SYNPO: variants seen among roughly 807,000 people sequenced by gnomAD.
SYNPO encodes synaptopodin.
Under a neutral mutation model 49.5 loss-of-function variants are expected in SYNPO, and 19 were observed. That is an observed-to-expected ratio of 0.38 (90% confidence interval 0.27 to 0.56). The LOEUF (loss-of-function observed/expected upper bound fraction) is 0.56. SYNPO is among the 20% of genes least tolerant of loss of function. SYNPO has a pLI of 0.68. For synonymous variants in SYNPO, 536 were observed against 548.0 expected (o/e 0.98, Z 0.31); for missense variants, 1,131 against 1,248.3 (o/e 0.91, Z 1.42).
intron 2 of SYNPO, among the ~76,000 whole-genome samples, chr5:150,633,879 T>C (rs2151390756): frequency 6.6e-6 from 1 of 152,212 alleles, no homozygotes. Context: ...CTCAGCACTT[T>C]AGGAGGCCAA....
chr5:150,602,877 T>G (rs1274310832), intron 1 of SYNPO, among the ~76,000 whole-genome samples: 1 of 152,122 alleles, frequency 6.6e-6, no homozygotes, highest in Admixed American at 6.5e-5. Flanking sequence ...GAGCGTTGGT[T>G]TTGACTGTCT....
At chr5:150,604,385 G>T (rs987478890) in intron 1 of SYNPO, among the ~76,000 whole-genome samples, 1 of 152,256 alleles carries the variant, frequency 6.6e-6, no homozygotes, top group Non-Finnish European at 1.5e-5. Flanking sequence ...ATGGGGTGCA[G>T]ATGGAGGCTG....
chr5:150,655,029 G>A (rs1758509571), intron 2 of SYNPO, among the ~76,000 whole-genome samples: 1 of 152,192 alleles, frequency 6.6e-6, no homozygotes, highest in Non-Finnish European at 1.5e-5. Flanking sequence ...GGAGGCTGAG[G>A]CAGGAGAATC....
chr5:150,618,479 G>A (rs763095621), exon 2 of SYNPO: 94 of 1,551,480 alleles, frequency 6.1e-5, no homozygotes, highest in Non-Finnish European at 7.1e-5. Flanking sequence ...TCTGGAAGCC[G>A]AGGAGAGCAG....
intron 2 of SYNPO, chr5:150,651,070 C>T: frequency 8.7e-7 from 1 of 1,155,882 alleles, no homozygotes; most frequent in Non-Finnish European, 1.1e-6. Context: ...TTCTACCTGG[C>T]TTGCTGTCAC....
rs1758238213 is a variant in SYNPO at position 150,649,102 on chromosome 5, G to T, written c.827G>T (p.Ser276Ile). Reference protein sequence around the residue: ...GEKAPAPQPPSLPDRSPRPQR... With the variant: ...GEKAPAPQPPILPDRSPRPQR... The stretch of plus-strand genomic sequence containing the variant: ...AAGGCCCCGGCTCCCCAGCCCCCCA[G>T]TTTGCCAGACAGGAGCCCCCGGCCA... The change falls in exon 2 of 3, where the codon AGT (serine) becomes ATT (isoleucine). Residue 276 changes from serine to isoleucine, a missense_variant. By Grantham distance (142) the Ser-to-Ile change is moderately radical. Around this residue, in one of 4 missense-constraint regions of SYNPO, gnomAD observed 602 missense variants for 720.7 expected, o/e 0.84. Transcript: ENST00000307662. 1 of 1,613,820 alleles carries T rather than the reference G, an allele frequency of 6.2e-7. No individual in the cohort carries two copies. Among genetic ancestry groups the T allele is most frequent in the Non-Finnish European group, 8.5e-7 (1 of 1,179,872 alleles).
intron 2 of SYNPO, chr5:150,624,800 C>T (rs1757295892): frequency 1.0e-6 from 1 of 955,454 alleles, no homozygotes; most frequent in Non-Finnish European, 1.2e-6. Flanking sequence ...GGGCCTGGCG[C>T]GGGGCGGGGG....
intron 2 of SYNPO, among the ~76,000 whole-genome samples, chr5:150,635,095 CA>C (rs1757670960): frequency 6.6e-6 from 1 of 152,262 alleles, no homozygotes; most frequent in Non-Finnish European, 1.5e-5. Flanking sequence ...GAAGACGGGG[CA>C]GGCTGGCAGG....
In SYNPO at chr5:150,649,522, TGGA is replaced by T. The variant is rs761648282; in HGVS notation, c.1255_1257del (p.Glu419del). Reference sequence around the variant, plus strand: ...CAGAGGGACCAGGGGGAGGTAGGCGTGGAGGAGGAGCCCTTCGCACTGGGGGCC... The same window carrying T: ...CAGAGGGACCAGGGGGAGGTAGGCGTGGAGGAGCCCTTCGCACTGGGGGCC... On this transcript the variant is annotated inframe_deletion, in exon 2 of 3. Transcript: ENST00000307662. 6.2e-7 allele frequency: 1 copy of T among 1,611,540 alleles called. No homozygotes were observed. Among genetic ancestry groups the T allele is most frequent in the Admixed American group, 1.7e-5 (1 of 59,610 alleles).
chr5:150,652,983 G>A (rs527298439), intron 2 of SYNPO: 75 of 152,262 alleles, frequency 4.9e-4, no homozygotes, highest in African/African-American at 1.7e-3. Context: ...ACAGAAGGAG[G>A]TCAGAGACCA....
intron 2 of SYNPO, among the ~76,000 whole-genome samples, chr5:150,633,569 T>C (rs1581486744): frequency 6.6e-6 from 1 of 151,888 alleles, no homozygotes; most frequent in African/African-American, 2.4e-5. Context: ...GGGCTGGGAG[T>C]CAAAATCACA....
chr5:150,616,246 G>C (rs1020913655), intron 1 of SYNPO, among the ~76,000 whole-genome samples: 2 of 152,150 alleles, frequency 1.3e-5, no homozygotes, highest in Non-Finnish European at 2.9e-5. Flanking sequence ...CCCCTGCTTG[G>C]GGGCGGAGGC....
the SYNPO span, among the ~76,000 whole-genome samples, chr5:150,593,345 G>A: frequency 2.0e-5 from 3 of 152,318 alleles, no homozygotes; most frequent in Non-Finnish European, 2.9e-5. Context: ...GCAGAGCCCC[G>A]GAGACCTGGG....
chr5:150,657,432 T>TCTCTCTCACA lies in SYNPO; in HGVS notation c.*346_*347insTCTCTCACAC, dbSNP rs1298503590. 5 of 138,998 alleles carry TCTCTCTCACA rather than the reference T, an allele frequency of 3.6e-5. No individual in the cohort carries two copies. Among genetic ancestry groups the TCTCTCTCACA allele is most frequent in the African/African-American group, 1.4e-4 (5 of 35,078 alleles). 8.6% of individuals were successfully genotyped at this position (138,998 alleles called of 1,614,324 possible). On this transcript the variant is annotated 3_prime_UTR_variant, in exon 3 of 3. Transcript: ENST00000307662. The stretch of plus-strand genomic sequence containing the variant: ...CTCTCTCTTTCTCTCTCTCTCTCTC[T>TCTCTCTCACA]CACACACACACACACACACACACAC...
chr5:150,596,478 G>A (rs1386972127), upstream of SYNPO, among the ~76,000 whole-genome samples: 2 of 152,310 alleles, frequency 1.3e-5, no homozygotes, highest in East Asian at 1.9e-4. Flanking sequence ...TACTTGGCGA[G>A]TTGACGGACG....
chr5:150,637,015 T>C (rs13360583), upstream of SYNPO, among the ~76,000 whole-genome samples: 3,297 of 152,306 alleles, frequency 0.022, 122 homozygotes, highest in African/African-American at 0.075. Context: ...TTGCTGCATT[T>C]CATTTACTCA....
chr5:150,623,468 G>T (rs990973293), intron 2 of SYNPO, among the ~76,000 whole-genome samples: 1 of 152,148 alleles, frequency 6.6e-6, no homozygotes, highest in Admixed American at 6.5e-5. Context: ...GGCACTCTCA[G>T]GGTTAGCGAT....
chr5:150,622,336 G>A (rs1294334297), intron 2 of SYNPO, among the ~76,000 whole-genome samples: 1 of 152,200 alleles, frequency 6.6e-6, no homozygotes, highest in African/African-American at 2.4e-5. Flanking sequence ...CTGTCTCCAT[G>A]GTGATGAGGC....
rs201373113 is a variant in SYNPO, at chr5:150,657,432, T to A, written c.*345T>A. 2,292 of 139,582 alleles carry A rather than the reference T, an allele frequency of 0.016. 26 individuals are homozygous for A. Among genetic ancestry groups the A allele is most frequent in the East Asian group, 0.028 (122 of 4,374 alleles). 8.6% of individuals were successfully genotyped at this position (139,582 alleles called of 1,614,324 possible). A position where few individuals can be genotyped will look rare whatever the true frequency, so the allele number is the denominator to read the frequency against. ...CTCTCTCTTTCTCTCTCTCTCTCTC[T>A]CACACACACACACACACACACACAC... On this transcript the variant is annotated 3_prime_UTR_variant, in exon 3 of 3. Coordinates refer to ENST00000307662, the MANE Select transcript of SYNPO (RefSeq NM_007286.6).
Sources: gnomAD v4.1 joint callset for allele counts (sites outside exome capture counted in the v4.1 genomes callset) on GRCh38, gnomAD v4.1.1 for gene constraint, gnomAD v4.1.1 regional missense constraint, MANE v1.5 for transcripts, NCBI Gene and HGNC (gene_info 2026-07-23, HGNC 2026-07-21) for gene names.